The following TMEM171 variants were observed in gnomAD, a reference collection of about 807,000 sequenced individuals.
TMEM171 encodes the protein transmembrane protein 171.
A neutral mutation model predicts 19.1 loss-of-function variants in TMEM171; 16 were observed. That is an observed-to-expected ratio of 0.84 (90% CI 0.57 to 1.27). The LOEUF is 1.27. Ranked by LOEUF, TMEM171 falls within the 50% of genes most tolerant of loss-of-function variation. TMEM171 has a pLI of 0.00. For missense variants in TMEM171, 429 were observed against 412.7 expected, an observed-to-expected ratio of 1.04 and a Z score of -0.34; for synonymous variants, 153 against 163.4, an observed-to-expected ratio of 0.94 and a Z score of 0.48.
chr5:73,126,738 C>T (rs905382579), intron 2 of TMEM171, among the ~76,000 whole-genome samples: 1 of 152,190 alleles, frequency 6.6e-6, no homozygotes, highest in Admixed American at 6.5e-5. Flanking sequence ...AATCCTATGC[C>T]ACCCTAAGCA....
intron 2 of TMEM171, among the ~76,000 whole-genome samples, chr5:73,126,607 A>G (rs911089862): frequency 2.6e-5 from 4 of 152,162 alleles, no homozygotes; most frequent in African/African-American, 9.6e-5. Flanking sequence ...CAGTCCATCT[A>G]GTCCTTCCTT....
intron 1 of TMEM171, among the ~76,000 whole-genome samples, chr5:73,121,851 C>T (rs1381068878): frequency 2.0e-5 from 3 of 152,026 alleles, no homozygotes; most frequent in East Asian, 3.9e-4. Flanking sequence ...TGGATGTGAG[C>T]GGCACAAAAT....
chr5:73,121,054 T>C lies in TMEM171; in HGVS notation c.-69+358T>C, dbSNP rs552296971. Among the ~76,000 whole-genome samples, 64 of 152,232 alleles carry C rather than the reference T, an allele frequency of 4.2e-4. 1 individual carries two copies. In the South Asian group the frequency reaches 0.013, roughly 32 times the overall value. ...AGGGTGGTGTTTGGAAAAGGTTTCA[T>C]TGCGAGTGAATGTGGGTGTCTTTGT... On this transcript the variant is annotated intron_variant, in intron 1 of 3. Transcript: ENST00000454765.
intron 1 of TMEM171, among the ~76,000 whole-genome samples, chr5:73,121,453 T>C (rs1744006289): frequency 6.6e-6 from 1 of 152,192 alleles, no homozygotes; most frequent in African/African-American, 2.4e-5. Context: ...CATCGTTTCA[T>C]TCCACTGAGA....
rs774216272 is a variant in TMEM171, at chr5:73,123,804, C to T, written c.431C>T (p.Pro144Leu). The change falls in exon 2 of 4, where the codon CCG becomes CTG. Residue 144 changes from proline (P) to leucine (L), a missense_variant. Coordinates refer to ENST00000454765, the MANE Select transcript of TMEM171 (RefSeq NM_173490.8). ...TGTGGCTCCAACTGGGCGCAGGAAC[C>T]GCTAAACGAGACAGACACTGGCGAC... Reference protein sequence around the residue: ...PGCGSNWAQEPLNETDTGDSE... With the variant: ...PGCGSNWAQELLNETDTGDSE... The T allele has an allele frequency of 2.0e-5, 33 of 1,612,412 alleles. No individual in the cohort carries two copies. The highest frequency in any genetic ancestry group is 2.5e-5 in the Non-Finnish European group (29 of 1,178,974).
chr5:73,131,727 G>A lies in TMEM171; in HGVS notation c.972G>A (p.Pro324=), dbSNP rs144105878. ...FLPLSSEPSP[P] ...CTCTATCTTCTGAGCCTTCCCCACC[G>A]TAAACTATGGACTCTAGTTCAGTTT... The change falls in exon 4 of 4, where the codon CCG becomes CCA. Residue 324 remains proline, a synonymous_variant. Transcript: ENST00000454765. 55 of 1,602,646 alleles carry A rather than the reference G, an allele frequency of 3.4e-5. No individual in the cohort carries two copies. In the African/African-American group the frequency reaches 5.0e-4, roughly 15 times the overall value.
chr5:73,121,923 T>C (rs1744018027), intron 1 of TMEM171, among the ~76,000 whole-genome samples: 1 of 152,232 alleles, frequency 6.6e-6, no homozygotes, highest in Admixed American at 6.5e-5. Flanking sequence ...GGATTGTCTT[T>C]GCAATTGCAG....
At chr5:73,126,136 CT>C (rs569627237) in intron 2 of TMEM171, among the ~76,000 whole-genome samples, 123 of 152,252 alleles carry the variant, frequency 8.1e-4, no homozygotes, top group African/African-American at 2.7e-3. Context: ...GCTGGAGACC[CT>C]TGGAGGTAAC....
chr5:73,128,396 C>T lies in TMEM171; in HGVS notation c.647C>T (p.Ser216Leu), dbSNP rs199524723. 5.0e-5 allele frequency: 80 copies of T among 1,614,034 alleles called. No homozygotes were observed. Among genetic ancestry groups the T allele is most frequent in the Admixed American group, 4.5e-4 (27 of 60,002 alleles). The change falls in exon 3 of 4, where the codon TCG (serine) becomes TTG (leucine). Residue 216 changes from serine to leucine, a missense_variant. By Grantham distance (145) the Ser-to-Leu change is moderately radical. Coordinates refer to ENST00000454765, the MANE Select transcript of TMEM171 (RefSeq NM_173490.8). ...AAATATTGTTTTGCCTTAGGTGACT[C>T]GGTAATAATATTTCCACCCCCTCCA... ...MEPVQVTVGD[S>L]VIIFPPPPPP...
chr5:73,122,519 C>T (rs1357542068), intron 1 of TMEM171, among the ~76,000 whole-genome samples: 1 of 152,242 alleles, frequency 6.6e-6, no homozygotes, highest in South Asian at 2.1e-4. Context: ...AATCCTCCCA[C>T]CTCAGCCTAC....
chr5:73,128,730 TG>T (rs1301140917), intron 3 of TMEM171, among the ~76,000 whole-genome samples, 199 bp downstream of exon 3: 2 of 144,164 alleles, frequency 1.4e-5, no homozygotes, highest in African/African-American at 5.2e-5. Flanking sequence ...GTGATCATGC[TG>T]GGTTAATATG....
At chr5:73,121,800 T>C (rs1744014815) in intron 1 of TMEM171, among the ~76,000 whole-genome samples, 1 of 152,238 alleles carries the variant, frequency 6.6e-6, no homozygotes, top group Non-Finnish European at 1.5e-5. Flanking sequence ...CAAGATCATC[T>C]TGGGCTTAGG....
Position 73,120,744 on chromosome 5 carries a change from C to A in TMEM171, c.-69+48C>A, listed in dbSNP as rs1450261017. 4.1e-6 allele frequency: 4 copies of A among 983,774 alleles called. No individual in the cohort carries two copies. In the African/African-American group the frequency reaches 5.3e-5, roughly 13 times the overall value. 60.9% of individuals were successfully genotyped at this position (983,774 alleles called of 1,614,324 possible). On this transcript the variant is annotated intron_variant, in intron 1 of 3. Transcript: ENST00000454765. ...CCTGCGCCGGCGGCGGCGGGTCGGG[C>A]GCTGAGCTGTGCGGCCAGGCTGGGC...
Position 73,131,647 on chromosome 5 carries a change from T to G in TMEM171, c.892T>G (p.Ser298Ala). 6.2e-7 allele frequency: 1 copy of G among 1,614,000 alleles called. No homozygotes were observed. Among genetic ancestry groups the G allele is most frequent in the East Asian group, 2.2e-5 (1 of 44,874 alleles). Residue 298 changes from serine to alanine, a missense_variant, in exon 4 of 4, where the codon TCT (serine) becomes GCT (alanine). Physicochemically the swap from Ser to Ala is moderately conservative, Grantham distance 99. Coordinates refer to ENST00000454765, the MANE Select transcript of TMEM171 (RefSeq NM_173490.8). ...SEASHTPHLP[S>A]ELPPRYEEKE... ...GGCCTCACACACTCCACATCTTCCATCTGAATTGCCTCCTAGATATGAAGA... is the reference window on the plus strand; with the variant it reads ...GGCCTCACACACTCCACATCTTCCAGCTGAATTGCCTCCTAGATATGAAGA...
chr5:73,128,185 C>T (rs1744230985), intron 2 of TMEM171, among the ~76,000 whole-genome samples: 1 of 152,200 alleles, frequency 6.6e-6, no homozygotes, highest in African/African-American at 2.4e-5. Context: ...CTCCCTTCCT[C>T]CTCCCGAACC....
intron 1 of TMEM171, among the ~76,000 whole-genome samples, chr5:73,121,678 A>G (rs1049064348): frequency 6.6e-6 from 1 of 152,048 alleles, no homozygotes; most frequent in Non-Finnish European, 1.5e-5. Context: ...TTTTTCTCCA[A>G]CTTCCTTCTG....
At chr5:73,127,942 G>T (rs1008703325) in intron 2 of TMEM171, among the ~76,000 whole-genome samples, 1 of 151,674 alleles carries the variant, frequency 6.6e-6, no homozygotes, top group African/African-American at 2.4e-5. Context: ...ATGAGATAGC[G>T]CTGTGTTGCC....
At chr5:73,121,167 G>A (rs1460579515) in intron 1 of TMEM171, among the ~76,000 whole-genome samples, 1 of 152,164 alleles carries the variant, frequency 6.6e-6, no homozygotes, top group Non-Finnish European at 1.5e-5. Context: ...TCAGCCAGGT[G>A]CTCCGTCCAC....
At chr5:73,129,204 C>T (rs1345582062) in intron 3 of TMEM171, among the ~76,000 whole-genome samples, 1 of 152,174 alleles carries the variant, frequency 6.6e-6, no homozygotes, top group Admixed American at 6.5e-5. Flanking sequence ...TGCTCAAGGG[C>T]CCAGTTCCAG....
Sources: allele counts gnomAD v4.1 joint callset (sites outside exome capture counted in the v4.1 genomes callset), GRCh38; gene constraint gnomAD v4.1.1; transcripts MANE v1.5; gene names NCBI Gene and HGNC (gene_info 2026-07-23, HGNC 2026-07-21).